The following OSTM1 variants were observed in gnomAD, a reference collection of about 807,000 sequenced individuals.
The protein encoded by OSTM1 is osteopetrosis-associated transmembrane protein 1.
A neutral mutation model predicts 35.4 loss-of-function variants in OSTM1; 26 were observed. The observed-to-expected ratio is 0.73, with a 90% CI of 0.54 to 1.02. OSTM1 has a LOEUF of 1.02. Ranked by LOEUF, OSTM1 falls within the 50% of genes least tolerant of loss-of-function variation. The pLI is 0.00. For missense variants in OSTM1, 366 were observed against 409.6 expected (o/e 0.89, Z 0.92); for synonymous variants, 181 against 165.0 (o/e 1.10, Z -0.75).
intron 2 of OSTM1, among the ~76,000 whole-genome samples, chr6:108,063,207 T>TG (rs769324567): frequency 1.3e-5 from 2 of 152,014 alleles, no homozygotes; most frequent in Admixed American, 6.6e-5. Context: ...TTTGTAGAGA[T>TG]GGGGGTCTCA....
rs1405627823 is a variant in OSTM1 at position 108,074,738 on chromosome 6, G to T, written c.-87C>A. 1 of 1,374,904 alleles carries T rather than the reference G, an allele frequency of 7.3e-7. No individual in the cohort carries two copies. The highest frequency in any genetic ancestry group is 2.9e-5 in the East Asian group (1 of 34,246). The allele number at this position is 1,374,904 out of a possible 1,614,324, so 85.2% of individuals were successfully genotyped here. On this transcript the variant is annotated 5_prime_UTR_variant, in exon 1 of 6. Transcript: ENST00000193322. ...GACAGCCGCCGCTTCCGGTTTCCGCGAGCGCAGGCCGAGAGCCGGGTCACG... is the reference window on the plus strand; with the variant it reads ...GACAGCCGCCGCTTCCGGTTTCCGCTAGCGCAGGCCGAGAGCCGGGTCACG...
rs550900778 is a variant in OSTM1 at position 108,043,425 on chromosome 6, T to G, written c.*1360A>C. 39 of 152,294 alleles carry G rather than the reference T, an allele frequency of 2.6e-4. No individual in the cohort carries two copies. The highest frequency in any genetic ancestry group is 9.4e-4 in the African/African-American group (39 of 41,566). 9.4% of individuals were successfully genotyped at this position (152,294 alleles called of 1,614,324 possible). ...CATAAAAGAAAAAAGAAACACTTTG[T>G]CTCCCTATAGAGCATTTTATAGTAT... On this transcript the variant is annotated 3_prime_UTR_variant, in exon 6 of 6. Coordinates refer to ENST00000193322, the MANE Select transcript of OSTM1 (RefSeq NM_014028.4).
intron 1 of OSTM1, among the ~76,000 whole-genome samples, chr6:108,068,720 C>A (rs939701653): frequency 2.6e-5 from 4 of 152,032 alleles, no homozygotes; most frequent in African/African-American, 9.7e-5. Context: ...CCCTCCCCAG[C>A]CCCTACCCTC....
chr6:108,061,900 A>G (rs1182696992), intron 2 of OSTM1, among the ~76,000 whole-genome samples: 1 of 152,132 alleles, frequency 6.6e-6, no homozygotes, highest in Non-Finnish European at 1.5e-5. Context: ...TGCATTGTAA[A>G]TCCCAAAGAT....
chr6:108,056,936 G>C (rs934885776), intron 2 of OSTM1, among the ~76,000 whole-genome samples: 1 of 152,148 alleles, frequency 6.6e-6, no homozygotes, highest in Non-Finnish European at 1.5e-5. Context: ...AAGTTAATAA[G>C]CCATTGATAT....
chr6:108,067,880 T>C (rs1228380073), intron 1 of OSTM1, among the ~76,000 whole-genome samples: 1 of 150,590 alleles, frequency 6.6e-6, no homozygotes, highest in Non-Finnish European at 1.5e-5. Context: ...AGAAAGTCTC[T>C]GAGTCCCACA....
rs971857748 is a variant in OSTM1, at chr6:108,052,366, G to A, written c.616-1168C>T. On this transcript the variant is annotated intron_variant, in intron 3 of 5. Transcript: ENST00000193322. ...GAGAATGGCGTGAACCCGGGAGGCG[G>A]AGCTTGCAGTGAGCCGAGATCGCGC... Among the ~76,000 whole-genome samples the A allele has an allele frequency of 9.9e-5, 15 of 151,076 alleles. 1 individual carries two copies. The highest frequency in any genetic ancestry group is 2.1e-4 in the Non-Finnish European group (14 of 67,928).
At chr6:108,049,741 C>A in intron 4 of OSTM1, 2 of 234,880 alleles carry the variant, frequency 8.5e-6, no homozygotes, top group Non-Finnish European at 1.6e-5. Flanking sequence ...CTGTTTTATT[C>A]ATTTACAAAA....
chr6:108,045,704 A>G (rs1771955570), intron 5 of OSTM1, among the ~76,000 whole-genome samples: 1 of 152,206 alleles, frequency 6.6e-6, no homozygotes, highest in African/African-American at 2.4e-5. Context: ...CTGAGTCATT[A>G]GGGTTAATAA....
At chr6:108,062,013 G>T (rs1421367965) in intron 2 of OSTM1, among the ~76,000 whole-genome samples, 3 of 151,278 alleles carry the variant, frequency 2.0e-5, no homozygotes, top group South Asian at 2.1e-4. Flanking sequence ...TATATACTAC[G>T]TTTTTTTCTA....
chr6:108,047,257 C>T (rs1771992555), intron 5 of OSTM1, among the ~76,000 whole-genome samples: 2 of 152,070 alleles, frequency 1.3e-5, no homozygotes, highest in African/African-American at 4.8e-5. Context: ...TGCAAGAAGC[C>T]AGGTAAGTAA....
intron 5 of OSTM1, among the ~76,000 whole-genome samples, chr6:108,045,206 A>G (rs1771945825): frequency 2.6e-5 from 4 of 152,158 alleles, no homozygotes; most frequent in South Asian, 2.1e-4. Flanking sequence ...AGAAATCCAA[A>G]TCTGAATTTC....
In OSTM1 at chr6:108,074,687, C is replaced by G. The variant is rs1017494983; in HGVS notation, c.-36G>C. ...ACACACCCCAGGGAGCCCACCGCCG[C>G]CTCTCCGCCCCCAGCCGGCACCGCG... On this transcript the variant is annotated 5_prime_UTR_variant, in exon 1 of 6. Transcript: ENST00000193322. 6.0e-6 allele frequency: 9 copies of G among 1,497,272 alleles called. No individual in the cohort carries two copies. The highest frequency in any genetic ancestry group is 8.0e-6 in the Non-Finnish European group (9 of 1,129,532). 92.7% of individuals were successfully genotyped at this position (1,497,272 alleles called of 1,614,324 possible).
At chr6:108,059,442 G>A (rs1054107909) in intron 2 of OSTM1, among the ~76,000 whole-genome samples, 1 of 152,074 alleles carries the variant, frequency 6.6e-6, no homozygotes, top group Non-Finnish European at 1.5e-5. Context: ...AGAAGAAAAG[G>A]GATGGGAGTA....
Position 108,074,382 on chromosome 6 carries a change from G to A in OSTM1, c.270C>T (p.Asp90=). Residue 90 remains aspartate, a synonymous_variant, in exon 1 of 6, where the codon GAC becomes GAT. Transcript: ENST00000193322. ...LDPECRELLL[D]FANSSAELTG... ...TCAGCTCTGCGCTGCTGTTGGCGAA[G>A]TCCAGCAGGAGCTCCCGGCACTCAG... The A allele has an allele frequency of 6.3e-7, 1 of 1,588,556 alleles. No homozygotes were observed.
intron 5 of OSTM1, among the ~76,000 whole-genome samples, chr6:108,047,594 A>T (rs2114589497): frequency 6.6e-6 from 1 of 152,360 alleles, no homozygotes; most frequent in South Asian, 2.1e-4. Flanking sequence ...ATACCAGTTA[A>T]GGGGCTCTTG....
Position 108,042,414 on chromosome 6 carries a change from C to CTTTTTTTTTTTTT in OSTM1, c.*2358_*2370dup, listed in dbSNP as rs58798743. On this transcript the variant is annotated 3_prime_UTR_variant, in exon 6 of 6. Coordinates refer to ENST00000193322, the MANE Select transcript of OSTM1 (RefSeq NM_014028.4). ...TAAGACAGACAGTACTTTCTTTTTTCTTTTTTTTTTTTTTTTTTTGAGACA... is the reference window on the plus strand; with the variant it reads ...TAAGACAGACAGTACTTTCTTTTTTCTTTTTTTTTTTTTTTTTTTTTTTTTTTTTTTTGAGACA... The CTTTTTTTTTTTTT allele has an allele frequency of 7.7e-6, 1 of 129,272 alleles. No homozygotes were observed. Among genetic ancestry groups the CTTTTTTTTTTTTT allele is most frequent in the Non-Finnish European group, 1.6e-5 (1 of 61,476 alleles). 8.0% of individuals were successfully genotyped at this position (129,272 alleles called of 1,614,324 possible).
At chr6:108,068,845 T>C (rs2114610757) in intron 1 of OSTM1, among the ~76,000 whole-genome samples, 1 of 152,232 alleles carries the variant, frequency 6.6e-6, no homozygotes. Flanking sequence ...AAGTCTAAAA[T>C]CCTTAACATA....
chr6:108,069,837 T>G (rs1772450137), intron 1 of OSTM1, among the ~76,000 whole-genome samples: 1 of 152,228 alleles, frequency 6.6e-6, no homozygotes, highest in South Asian at 2.1e-4. Context: ...CAGGGAATTC[T>G]ATTATAGTTA....
Sources: allele counts gnomAD v4.1 joint callset (sites outside exome capture counted in the v4.1 genomes callset), GRCh38; gene constraint gnomAD v4.1.1; transcripts MANE v1.5; gene names NCBI Gene and HGNC (gene_info 2026-07-23, HGNC 2026-07-21).